Variants in CRPPA observed in about 807,000 individuals in gnomAD.
CRPPA encodes the protein D-ribitol-5-phosphate cytidylyltransferase.
A neutral mutation model predicts 52.0 loss-of-function variants in CRPPA; 43 were observed. That is an observed-to-expected ratio of 0.83 (90% confidence interval 0.65 to 1.07). CRPPA has a LOEUF of 1.07. CRPPA is among the 50% of genes least tolerant of loss of function. The probability of loss-of-function intolerance (pLI) is 0.00; values close to 1 mark genes in which losing one functional copy is unlikely to be tolerated. For synonymous variants in CRPPA, 250 were observed against 203.5 expected (o/e 1.23, Z -1.94); for missense variants, 629 against 551.7 (o/e 1.14, Z -1.40).
chr7:16,239,758 CA>C (rs1412709090), intron 8 of CRPPA, among the ~76,000 whole-genome samples: 1 of 152,026 alleles, frequency 6.6e-6, no homozygotes, highest in Non-Finnish European at 1.5e-5. Flanking sequence ...ACTAGAATAG[CA>C]CTGGAAAATA....
chr7:16,277,441 G>C (rs541528181), intron 6 of CRPPA: 8 of 150,200 alleles, frequency 5.3e-5, no homozygotes, highest in Non-Finnish European at 1.2e-4. Context: ...AATTATGTAC[G>C]TTGTCAAAAG....
At chr7:16,407,651 C>T (rs1787986008) in intron 1 of CRPPA, among the ~76,000 whole-genome samples, 1 of 152,144 alleles carries the variant, frequency 6.6e-6, no homozygotes, top group Non-Finnish European at 1.5e-5. Flanking sequence ...GTAATGTCTC[C>T]TACCTCTTGT....
chr7:16,242,755 G>A (rs1400423236), intron 8 of CRPPA, among the ~76,000 whole-genome samples: 2 of 152,008 alleles, frequency 1.3e-5, no homozygotes, highest in African/African-American at 4.8e-5. Flanking sequence ...CCGTTATGCT[G>A]ACCAGTCTCC....
chr7:16,377,036 T>C (rs1302534452), intron 2 of CRPPA, among the ~76,000 whole-genome samples: 6 of 152,160 alleles, frequency 3.9e-5, no homozygotes, highest in Non-Finnish European at 7.3e-5. Context: ...TTCCACACAA[T>C]TGCTACATGG....
intron 5 of CRPPA, among the ~76,000 whole-genome samples, chr7:16,293,787 C>G (rs1784612206): frequency 6.6e-6 from 1 of 151,942 alleles, no homozygotes; most frequent in Non-Finnish European, 1.5e-5. Flanking sequence ...ATTATCAGAT[C>G]TTAACCACAT....
chr7:16,153,833 T>C (rs1256568426), intron 9 of CRPPA, among the ~76,000 whole-genome samples: 2 of 152,096 alleles, frequency 1.3e-5, no homozygotes, highest in African/African-American at 4.8e-5. Context: ...ATTATCTTTC[T>C]ACCTCTTCCC....
At chr7:16,317,194 G>A (rs1489103115) in intron 3 of CRPPA, among the ~76,000 whole-genome samples, 1 of 152,124 alleles carries the variant, frequency 6.6e-6, no homozygotes, top group African/African-American at 2.4e-5. Context: ...GTGTTGCCAT[G>A]TAACAAGTTG....
intron 5 of CRPPA, among the ~76,000 whole-genome samples, chr7:16,295,246 T>C (rs976051021): frequency 6.6e-6 from 1 of 152,074 alleles, no homozygotes; most frequent in African/African-American, 2.4e-5. Context: ...CCGGTATCAC[T>C]TATCTGAATA....
chr7:16,173,342 C>G (rs978687576), intron 9 of CRPPA, among the ~76,000 whole-genome samples: 6 of 152,140 alleles, frequency 3.9e-5, no homozygotes, highest in African/African-American at 1.2e-4. Flanking sequence ...AGAACAATCA[C>G]TATACTTAAT....
chr7:16,109,520 T>G (rs1394703170), intron 9 of CRPPA, among the ~76,000 whole-genome samples: 1 of 151,836 alleles, frequency 6.6e-6, no homozygotes, highest in African/African-American at 2.4e-5. Flanking sequence ...ACAAAAACAT[T>G]ACACTTACAA....
chr7:16,268,298 A>C (rs954097353), intron 6 of CRPPA, among the ~76,000 whole-genome samples: 1 of 152,182 alleles, frequency 6.6e-6, no homozygotes, highest in African/African-American at 2.4e-5. Context: ...AAAATCAGCT[A>C]TAATTTGTAT....
intron 2 of CRPPA, among the ~76,000 whole-genome samples, chr7:16,395,617 A>G (rs368958272): frequency 6.6e-6 from 1 of 152,248 alleles, no homozygotes; most frequent in African/African-American, 2.4e-5. Flanking sequence ...ATATCTTAGA[A>G]AAATCTTTAT....
chr7:16,300,864 T>A (rs1010696149), intron 5 of CRPPA, among the ~76,000 whole-genome samples: 11 of 152,160 alleles, frequency 7.2e-5, no homozygotes, highest in African/African-American at 2.7e-4. Flanking sequence ...ATAAACTACC[T>A]CTATTTAGCT....
chr7:16,273,071 C>T (rs1381765750), intron 6 of CRPPA, among the ~76,000 whole-genome samples: 7 of 150,494 alleles, frequency 4.7e-5, no homozygotes, highest in East Asian at 3.9e-4. Context: ...CCCATTAACT[C>T]GTCATTTAGC....
intron 8 of CRPPA, among the ~76,000 whole-genome samples, chr7:16,249,438 T>C (rs1783378120): frequency 6.6e-6 from 1 of 152,162 alleles, no homozygotes; most frequent in East Asian, 1.9e-4. Context: ...GACTGGGAGA[T>C]ACCTCCCAGT....
intron 5 of CRPPA, among the ~76,000 whole-genome samples, chr7:16,279,282 T>C (rs1425555152): frequency 6.6e-6 from 1 of 152,156 alleles, no homozygotes; most frequent in Non-Finnish European, 1.5e-5. Context: ...AATAGGTTAT[T>C]GAAAATAATA....
chr7:16,308,617 T>A lies in CRPPA; in HGVS notation c.695A>T (p.Tyr232Phe). The A allele has an allele frequency of 6.3e-7, 1 of 1,595,866 alleles. No homozygotes were observed. The highest frequency in any genetic ancestry group is 1.1e-5 in the South Asian group (1 of 89,526). The stretch of plus-strand genomic sequence containing the variant: ...ACACTCAGTTCCAAATTCCAAGTCA[T>A]AGTCACTACACTGGTGTGGAAACAA... ...IYEAYQQCSD[Y>F]DLEFGTECLQ... The change falls in exon 4 of 10, where the codon TAT becomes TTT. Residue 232 changes from tyrosine to phenylalanine, a missense_variant. Tyr to Phe is a conservative substitution (Grantham distance 22). Coordinates refer to ENST00000407010, the MANE Select transcript of CRPPA (RefSeq NM_001101426.4).
intron 1 of CRPPA, among the ~76,000 whole-genome samples, chr7:16,409,703 C>A (rs906057257): frequency 6.6e-6 from 1 of 152,202 alleles, no homozygotes; most frequent in Non-Finnish European, 1.5e-5. Context: ...TACTTCTACA[C>A]GATCTCTCAT....
intron 4 of CRPPA, among the ~76,000 whole-genome samples, chr7:16,305,813 C>A (rs754448898): frequency 1.3e-5 from 2 of 152,126 alleles, no homozygotes; most frequent in South Asian, 4.1e-4. Context: ...ACCAGGGAGT[C>A]GGAGGTTGCA....
Sources: allele counts gnomAD v4.1 joint callset (sites outside exome capture counted in the v4.1 genomes callset), GRCh38; gene constraint gnomAD v4.1.1; transcripts MANE v1.5; gene names NCBI Gene and HGNC (gene_info 2026-07-23, HGNC 2026-07-21).